The following TNS1 variants were observed in gnomAD, a reference collection of about 807,000 sequenced individuals.
TNS1 encodes tensin-1.
In TNS1, 62 loss-of-function variants were observed where a neutral mutation model predicts 168.6. The ratio of observed to expected loss-of-function variants is 0.37; its 90% confidence interval spans 0.30 to 0.45. TNS1 has a LOEUF of 0.45. TNS1 is among the 20% of genes least tolerant of loss of function. TNS1 has a pLI of 1.00. For missense variants in TNS1, 2,240 were observed against 2,339.4 expected (o/e 0.96, Z 0.88); for synonymous variants, 934 against 933.2 (o/e 1.00, Z -0.02).
intron 4 of TNS1, among the ~76,000 whole-genome samples, chr2:217,917,275 G>A (rs908172009): frequency 6.6e-6 from 1 of 152,188 alleles, no homozygotes; most frequent in South Asian, 2.1e-4. Context: ...CAGACATCGG[G>A]CTGAATGCCT....
At chr2:217,810,896 G>A (rs1399485925) in intron 28 of TNS1, among the ~76,000 whole-genome samples, 1 of 99,552 alleles carries the variant, frequency 1.0e-5, no homozygotes, top group Non-Finnish European at 2.1e-5. Context: ...TTTTTTTTTT[G>A]AAACAGAATC....
At chr2:217,941,045 C>T (rs537879682) in intron 3 of TNS1, among the ~76,000 whole-genome samples, 1 of 152,320 alleles carries the variant, frequency 6.6e-6, no homozygotes, top group East Asian at 1.9e-4. Flanking sequence ...GTTATGCAAG[C>T]CACTTGATGC....
At chr2:217,959,264 T>C (rs950920748) in intron 3 of TNS1, among the ~76,000 whole-genome samples, 7 of 152,256 alleles carry the variant, frequency 4.6e-5, no homozygotes, top group Non-Finnish European at 8.8e-5. Flanking sequence ...GTTTGAAGAA[T>C]TTATTGACAC....
intron 18 of TNS1, among the ~76,000 whole-genome samples, chr2:217,870,997 G>T (rs966215481): frequency 2.0e-5 from 3 of 152,184 alleles, no homozygotes; most frequent in African/African-American, 4.8e-5. Context: ...CCTCTTGGGG[G>T]AGGCAAAAGA....
chr2:217,993,013 A>G (rs1203340295), intron 1 of TNS1, among the ~76,000 whole-genome samples: 1 of 152,192 alleles, frequency 6.6e-6, no homozygotes, highest in Non-Finnish European at 1.5e-5. Context: ...ACATTTAGAT[A>G]TGTTTAGATA....
At chr2:218,003,246 T>C (rs1177512761), upstream of TNS1, among the ~76,000 whole-genome samples, 1 of 127,836 alleles carries the variant, frequency 7.8e-6, no homozygotes, top group African/African-American at 3.0e-5. Context: ...CCAAGGCTCC[T>C]CAGTCTTCTG....
rs571073279 is a variant in TNS1, at chr2:217,885,556, T to G, written c.1116+188A>C. The stretch of plus-strand genomic sequence containing the variant: ...CCTGGAGATGCTCCAGAACAACAGC[T>G]AAGCCCAGGGTGAGAGACACAGACT... On this transcript the variant is annotated intron_variant, in intron 15 of 32. Transcript: ENST00000682258. Among the ~76,000 whole-genome samples the G allele has an allele frequency of 4.6e-5, 7 of 152,284 alleles. No individual in the cohort carries two copies. In the East Asian group the frequency reaches 1.4e-3, roughly 29 times the overall value.
intron 22 of TNS1, among the ~76,000 whole-genome samples, chr2:217,824,682 G>C (rs1943360481): frequency 6.6e-6 from 1 of 152,082 alleles, no homozygotes; most frequent in African/African-American, 2.4e-5. Flanking sequence ...ACATCAGAGG[G>C]AGTCTCACCC....
chr2:217,802,183 G>T lies in TNS1; in HGVS notation c.*2276C>A, dbSNP rs117343098. ...CTATCTTGGAAGATAATTGGGGTTT[G>T]CTAGGGAATGAGGAGAGGGGGAAAC... On this transcript the variant is annotated 3_prime_UTR_variant, in exon 33 of 33. Coordinates refer to ENST00000682258, the MANE Select transcript of TNS1 (RefSeq NM_001387777.1). 661 of 152,366 alleles carry T rather than the reference G, an allele frequency of 4.3e-3. 6 individuals carry two copies. The highest frequency in any genetic ancestry group is 0.023 in the South Asian group (112 of 4,832). 9.4% of individuals were successfully genotyped at this position (152,366 alleles called of 1,614,324 possible).
chr2:217,925,749 G>A (rs562922159), intron 3 of TNS1, among the ~76,000 whole-genome samples: 1 of 152,136 alleles, frequency 6.6e-6, no homozygotes, highest in East Asian at 1.9e-4. Context: ...TCCATTTCTA[G>A]AAACTTTTCA....
chr2:217,960,374 G>T lies in TNS1; in HGVS notation c.186+18391C>A, dbSNP rs56120913. The stretch of plus-strand genomic sequence containing the variant: ...GGTCTCCACACAGAACACAGAGGCA[G>T]CTGGATGCCTCTGACAGTGGAGGGC... On this transcript the variant is annotated intron_variant, in intron 3 of 32. Coordinates refer to ENST00000682258, the MANE Select transcript of TNS1 (RefSeq NM_001387777.1). 1.3e-5 allele frequency among the ~76,000 whole-genome samples: 2 copies of T among 152,074 alleles called. 1 individual carries two copies. Among genetic ancestry groups the T allele is most frequent in the Non-Finnish European group, 2.9e-5 (2 of 68,002 alleles).
intron 19 of TNS1, among the ~76,000 whole-genome samples, chr2:217,842,490 T>C (rs11899788): frequency 0.43 from 65,213 of 151,952 alleles, 14,858 homozygotes; most frequent in African/African-American, 0.6. Context: ...CTATCAGTAA[T>C]CTTGTTGGCT....
At chr2:217,974,428 C>T (rs1476634131) in intron 3 of TNS1, among the ~76,000 whole-genome samples, 1 of 152,204 alleles carries the variant, frequency 6.6e-6, no homozygotes, top group African/African-American at 2.4e-5. Context: ...AGACTTGTTT[C>T]TCAAAATTCC....
At chr2:217,922,249 G>C (rs1263917479) in intron 3 of TNS1, among the ~76,000 whole-genome samples, 6 of 152,178 alleles carry the variant, frequency 3.9e-5, no homozygotes, top group Non-Finnish European at 7.4e-5. Context: ...TCTCAGCTAC[G>C]GGGGACACTG....
chr2:217,942,747 C>G (rs1956976845), intron 3 of TNS1, among the ~76,000 whole-genome samples: 1 of 151,998 alleles, frequency 6.6e-6, no homozygotes, highest in African/African-American at 2.4e-5. Flanking sequence ...TTCCAGGTCC[C>G]CCTCCTATTC....
intron 22 of TNS1, among the ~76,000 whole-genome samples, chr2:217,828,324 C>T (rs576605609): frequency 3.0e-4 from 45 of 152,360 alleles, no homozygotes; most frequent in African/African-American, 1.1e-3. Flanking sequence ...TCCAATCATC[C>T]TACCTGGGTG....
chr2:218,026,714 G>A (rs1958851956), intron 1 of TNS1, among the ~76,000 whole-genome samples: 1 of 152,222 alleles, frequency 6.6e-6, no homozygotes, highest in Admixed American at 6.5e-5. Flanking sequence ...CGCCACAGGT[G>A]CCCTTTGCAG....
intron 18 of TNS1, chr2:217,850,122 G>A (rs3791977): frequency 0.38 from 378,282 of 985,078 alleles, 73,925 homozygotes; most frequent in Non-Finnish European, 0.4. Flanking sequence ...AAAGGGACGC[G>A]GGTCCTGGGA....
intron 3 of TNS1, among the ~76,000 whole-genome samples, chr2:217,949,470 G>C (rs1957190981): frequency 6.6e-6 from 1 of 152,208 alleles, no homozygotes; most frequent in East Asian, 1.9e-4. Context: ...ATTATTTTGA[G>C]GCTTCTAGAC....
Sources: gnomAD v4.1 joint callset for allele counts (sites outside exome capture counted in the v4.1 genomes callset) on GRCh38, gnomAD v4.1.1 for gene constraint, MANE v1.5 for transcripts, NCBI Gene and HGNC (gene_info 2026-07-23, HGNC 2026-07-21) for gene names.